PECAM1: variants seen among roughly 807,000 people sequenced by gnomAD.
The protein encoded by PECAM1 is platelet endothelial cell adhesion molecule.
In PECAM1, 8 loss-of-function variants were observed where a neutral mutation model predicts 13.8. The ratio of observed to expected loss-of-function variants is 0.58; its 90% CI spans 0.34 to 1.05. PECAM1 has a LOEUF of 1.05. Among genes scored for constraint, PECAM1 ranks in the 50% least tolerant of loss-of-function variants. The pLI, the probability that PECAM1 is intolerant of heterozygous loss-of-function variation, is 0.03. For missense variants in PECAM1, 304 were observed against 141.2 expected, an observed-to-expected ratio of 2.15 and a Z score of -5.84; for synonymous variants, 136 against 52.6, an observed-to-expected ratio of 2.58 and a Z score of -6.86.
intron 10 of PECAM1, 76 bp downstream of exon 10, chr17:64,353,415 T>C (rs1357593216): frequency 4.7e-6 from 2 of 428,718 alleles, no homozygotes; most frequent in Non-Finnish European, 8.5e-6. Context: ...GAAAACTTCC[T>C]AATGACCAGA....
intron 14 of PECAM1, among the ~76,000 whole-genome samples, chr17:64,337,637 G>A (rs896513359): frequency 6.8e-6 from 1 of 147,698 alleles, no homozygotes; most frequent in Non-Finnish European, 1.5e-5. Flanking sequence ...GCTCTACACC[G>A]CCTCAAATCC....
chr17:64,362,727 C>G (rs2036012703), intron 6 of PECAM1, among the ~76,000 whole-genome samples: 1 of 151,954 alleles, frequency 6.6e-6, no homozygotes, highest in East Asian at 1.9e-4. Flanking sequence ...GTGGTGGGCA[C>G]CTGTAATCCC....
At chr17:64,328,565 A>G (rs908522785) in intron 15 of PECAM1, among the ~76,000 whole-genome samples, 11 of 152,340 alleles carry the variant, frequency 7.2e-5, no homozygotes, top group Admixed American at 6.5e-4. Context: ...AGGAAAAAAA[A>G]CAACCATTCA....
rs782767112 is a variant in PECAM1, at chr17:64,321,916, A to G, written c.*1900T>C. ...GGACACAGGGGATCTGGCTGTCCCC[A>G]GATCATCAACAGAGACATGAAGGTC... On this transcript the variant is annotated 3_prime_UTR_variant, in exon 16 of 16. Transcript: ENST00000563924. 1.9e-5 allele frequency: 25 copies of G among 1,339,834 alleles called. No homozygotes were observed. The highest frequency in any genetic ancestry group is 2.1e-5 in the Non-Finnish European group (21 of 1,011,704). 83.0% of individuals were successfully genotyped at this position (1,339,834 alleles called of 1,614,324 possible). A position where few individuals can be genotyped will look rare whatever the true frequency, so the allele number is the denominator to read the frequency against.
chr17:64,362,975 G>A (rs1464944447), intron 6 of PECAM1, among the ~76,000 whole-genome samples, 174 bp downstream of exon 6: 2 of 152,224 alleles, frequency 1.3e-5, no homozygotes, highest in Non-Finnish European at 2.9e-5. Context: ...CAGTGAATCA[G>A]TGTTCTGAGC....
intron 4 of PECAM1, 65 bp from the exon 5 acceptor site, chr17:64,370,090 G>T: frequency 5.0e-6 from 2 of 398,388 alleles, no homozygotes; most frequent in Non-Finnish European, 8.8e-6. Flanking sequence ...AGCCTCTTCT[G>T]CTCTTTTTGC....
In PECAM1 at chr17:64,319,675, G is replaced by A. The variant is rs529342347; in HGVS notation, c.*4141C>T. On this transcript the variant is annotated 3_prime_UTR_variant, in exon 16 of 16. Transcript: ENST00000563924. ...TGCACAGTGTGATTACTGAAGTTGC[G>A]CGCATGCTCACTTGAGGCATTTTTC... The A allele has an allele frequency of 2.6e-5, 4 of 152,246 alleles. No individual in the cohort carries two copies. Among genetic ancestry groups the A allele is most frequent in the South Asian group, 4.1e-4 (2 of 4,824 alleles). 9.4% of individuals were successfully genotyped at this position (152,246 alleles called of 1,614,324 possible).
At chr17:64,372,133 G>A (rs2036256409) in intron 4 of PECAM1, among the ~76,000 whole-genome samples, 1 of 152,130 alleles carries the variant, frequency 6.6e-6, no homozygotes, top group Non-Finnish European at 1.5e-5. Context: ...TTAGGACCAG[G>A]CACAGTGGCT....
chr17:64,348,137 C>A, intron 13 of PECAM1, 123 bp downstream of exon 13: 1 of 413,418 alleles, frequency 2.4e-6, no homozygotes. Context: ...GTCTGCTAAT[C>A]ACTTCCTTTG....
chr17:64,357,274 G>A (rs1032935311), intron 7 of PECAM1, among the ~76,000 whole-genome samples: 9 of 152,010 alleles, frequency 5.9e-5, no homozygotes, highest in Non-Finnish European at 1.0e-4. Context: ...TCACCTACAC[G>A]CTGAGCTTCT....
chr17:64,340,262 G>A (rs2035391716), intron 14 of PECAM1, among the ~76,000 whole-genome samples: 1 of 152,160 alleles, frequency 6.6e-6, no homozygotes, highest in Admixed American at 6.5e-5. Context: ...GTGGGTCTGG[G>A]CTGGGCCCGA....
Position 64,354,922 on chromosome 17 carries a change from A to G in PECAM1, c.1888+11T>C, listed in dbSNP as rs997123722. 1.7e-5 allele frequency: 8 copies of G among 475,262 alleles called. No individual in the cohort carries two copies. Among genetic ancestry groups the G allele is most frequent in the Non-Finnish European group, 3.1e-5 (8 of 259,054 alleles). 29.4% of individuals were successfully genotyped at this position (475,262 alleles called of 1,614,324 possible). A position where few individuals can be genotyped will look rare whatever the true frequency, so the allele number is the denominator to read the frequency against. On this transcript the variant is annotated intron_variant, in intron 9 of 15. Transcript: ENST00000563924. The stretch of plus-strand genomic sequence containing the variant: ...CGACCAGTCAGTATGGAAGGAAAGA[A>G]CTATGCTCACCCTTGGCTTTCCTCA...
chr17:64,380,154 A>AAACC (rs2036450686), intron 2 of PECAM1, among the ~76,000 whole-genome samples: 1 of 152,096 alleles, frequency 6.6e-6, no homozygotes, highest in Non-Finnish European at 1.5e-5. Flanking sequence ...CAACATGGTG[A>AAACC]AACCCTGTCT....
At chr17:64,332,445 T>C (rs781844733) in intron 14 of PECAM1, among the ~76,000 whole-genome samples, 3 of 152,228 alleles carry the variant, frequency 2.0e-5, no homozygotes, top group Non-Finnish European at 4.4e-5. Flanking sequence ...CAAATACGGA[T>C]GGAACACTTA....
At chr17:64,383,596 C>T (rs2036529575) in intron 2 of PECAM1, among the ~76,000 whole-genome samples, 2 of 152,236 alleles carry the variant, frequency 1.3e-5, no homozygotes, top group Non-Finnish European at 2.9e-5. Flanking sequence ...TCATTCTGCA[C>T]TCCACAACTC....
At chr17:64,359,249 T>A (rs894056398) in intron 7 of PECAM1, among the ~76,000 whole-genome samples, 1 of 152,176 alleles carries the variant, frequency 6.6e-6, no homozygotes, top group African/African-American at 2.4e-5. Context: ...CTTATTAAAC[T>A]TTTTACAACA....
chr17:64,385,132 C>T (rs2036565379), intron 2 of PECAM1, among the ~76,000 whole-genome samples: 1 of 152,182 alleles, frequency 6.6e-6, no homozygotes, highest in African/African-American at 2.4e-5. Flanking sequence ...CAAAAAGTTT[C>T]AGGACTATTG....
intron 13 of PECAM1, among the ~76,000 whole-genome samples, chr17:64,347,481 G>T (rs2035598672): frequency 6.8e-6 from 1 of 147,416 alleles, no homozygotes; most frequent in Admixed American, 6.9e-5. Flanking sequence ...AGTGAGCTGA[G>T]ATCTCGCAAC....
Position 64,360,246 on chromosome 17 carries a change from C to A in PECAM1, c.1386G>T (p.Ala462=). ...ENSTKNSNDP[A]VFKDNPTEDV... ...CTTCAGTGGGGTTGTCTTTGAATAC[C>A]GCAGGATCATTTGAGTTCTTGGTAC... Residue 462 remains alanine, a synonymous_variant, in exon 7 of 16, where the codon GCG becomes GCT. Transcript: ENST00000563924. The A allele has an allele frequency of 2.1e-6, 1 of 475,282 alleles. No individual in the cohort carries two copies. Among genetic ancestry groups the A allele is most frequent in the East Asian group, 3.1e-5 (1 of 32,040 alleles). The allele number at this position is 475,282 out of a possible 1,614,324, so 29.4% of individuals were successfully genotyped here. A position where few individuals can be genotyped will look rare whatever the true frequency, so the allele number is the denominator to read the frequency against.
Sources: allele counts gnomAD v4.1 joint callset (sites outside exome capture counted in the v4.1 genomes callset), GRCh38; gene constraint gnomAD v4.1.1; transcripts MANE v1.5; gene names NCBI Gene and HGNC (gene_info 2026-07-23, HGNC 2026-07-21).